Variants in PHF20 observed in about 807,000 individuals in gnomAD.
PHF20 encodes PHD finger protein 20, also known as glioma-expressed antigen 2.
Under a neutral mutation model 113.5 loss-of-function variants are expected in PHF20, and 23 were observed. The observed-to-expected ratio is 0.20, with a 90% CI of 0.15 to 0.29. The LOEUF (loss-of-function observed/expected upper bound fraction) is 0.29. Among genes scored for constraint, PHF20 ranks in the 10% least tolerant of loss-of-function variants. The pLI is 1.00. For synonymous variants in PHF20, 434 were observed against 457.3 expected, an observed-to-expected ratio of 0.95 and a Z score of 0.65; for missense variants, 943 against 1,219.6, an observed-to-expected ratio of 0.77 and a Z score of 3.38.
chr20:35,797,450 G>T (rs1419580237), intron 1 of PHF20, among the ~76,000 whole-genome samples: 2 of 149,232 alleles, frequency 1.3e-5, no homozygotes, highest in Non-Finnish European at 3.0e-5. Flanking sequence ...GGAGGCGGAG[G>T]TTACAGTGAG....
chr20:35,813,187 GTCT>G (rs2042007751), intron 2 of PHF20, among the ~76,000 whole-genome samples: 1 of 151,952 alleles, frequency 6.6e-6, no homozygotes, highest in Non-Finnish European at 1.5e-5. Context: ...AGCCAGGATG[GTCT>G]CGATCTCCTG....
chr20:35,848,717 TG>T (rs2042666367), intron 4 of PHF20, among the ~76,000 whole-genome samples: 1 of 151,518 alleles, frequency 6.6e-6, no homozygotes, highest in African/African-American at 2.4e-5. Flanking sequence ...ATTAGATGAG[TG>T]TGGTGACATG....
intron 2 of PHF20, among the ~76,000 whole-genome samples, chr20:35,836,907 A>T (rs1218395741): frequency 6.6e-6 from 1 of 152,112 alleles, no homozygotes; most frequent in African/African-American, 2.4e-5. Flanking sequence ...GCAGTGGCTC[A>T]CACCTGTAAT....
intron 2 of PHF20, 124 bp downstream of exon 2, chr20:35,801,729 G>C: frequency 3.2e-6 from 2 of 623,536 alleles, no homozygotes; most frequent in Non-Finnish European, 5.8e-6. Flanking sequence ...GAAGATGTGA[G>C]GAAATGTCAG....
chr20:35,918,739 C>T (rs879696643), intron 13 of PHF20, among the ~76,000 whole-genome samples: 16 of 152,274 alleles, frequency 1.1e-4, no homozygotes, highest in African/African-American at 3.8e-4. Context: ...ATCAAATGCT[C>T]TCCCCTGGTC....
Position 35,927,874 on chromosome 20 carries a change from C to T in PHF20, c.2099C>T (p.Pro700Leu), listed in dbSNP as rs996159261. ...EKYTCYVCQD[P>L]PGQRPGFKYW... ...TACACCTGTTATGTTTGCCAAGACCCTCCAGGTAGAGATTTCTGGAGTCAG... is the reference window on the plus strand; with the variant it reads ...TACACCTGTTATGTTTGCCAAGACCTTCCAGGTAGAGATTTCTGGAGTCAG... The change falls in exon 14 of 18, where the codon CCT becomes CTT. Residue 700 changes from proline (P) to leucine (L), a missense_variant. By Grantham distance (98) the Pro-to-Leu change is moderately conservative (BLOSUM62 -3). This residue lies in a region of PHF20 where 349 missense variants were observed against 412.3 expected (regional missense o/e 0.85). Coordinates refer to ENST00000374012, the MANE Select transcript of PHF20 (RefSeq NM_016436.5). The T allele has an allele frequency of 7.5e-6, 12 of 1,609,492 alleles. No homozygotes were observed. Among genetic ancestry groups the T allele is most frequent in the Non-Finnish European group, 9.4e-6 (11 of 1,175,866 alleles).
At chr20:35,788,907 A>G (rs752264825) in intron 1 of PHF20, among the ~76,000 whole-genome samples, 10 of 152,140 alleles carry the variant, frequency 6.6e-5, no homozygotes, top group Admixed American at 1.3e-4. Flanking sequence ...TTTGACCACC[A>G]TGTTAAGGGC....
intron 10 of PHF20, among the ~76,000 whole-genome samples, chr20:35,907,882 A>G (rs2055229036): frequency 6.6e-6 from 1 of 152,204 alleles, no homozygotes; most frequent in Non-Finnish European, 1.5e-5. Flanking sequence ...GCTGTGTCAG[A>G]GGGGTGTTGA....
At chr20:35,772,386 G>T (rs922229783) in intron 1 of PHF20, among the ~76,000 whole-genome samples, 2 of 152,086 alleles carry the variant, frequency 1.3e-5, no homozygotes, top group Non-Finnish European at 2.9e-5. Context: ...GGCGCGGAGC[G>T]GGCCGTGTTG....
At chr20:35,776,375 T>G (rs2041175220) in intron 1 of PHF20, among the ~76,000 whole-genome samples, 1 of 152,196 alleles carries the variant, frequency 6.6e-6, no homozygotes, top group Non-Finnish European at 1.5e-5. Context: ...AGCTTCTGGC[T>G]TTCTCTAAAT....
At chr20:35,823,911 G>C (rs548529410) in intron 2 of PHF20, among the ~76,000 whole-genome samples, 1 of 152,354 alleles carries the variant, frequency 6.6e-6, no homozygotes, top group South Asian at 2.1e-4. Flanking sequence ...AAAATAAAGG[G>C]TTGTTGCTTT....
chr20:35,913,608 T>C (rs988357195), intron 11 of PHF20, among the ~76,000 whole-genome samples: 1 of 152,224 alleles, frequency 6.6e-6, no homozygotes, highest in Non-Finnish European at 1.5e-5. Flanking sequence ...ATGGTACAGA[T>C]GAAGGCATCG....
chr20:35,910,981 G>A (rs745588188), intron 10 of PHF20, among the ~76,000 whole-genome samples: 9 of 152,186 alleles, frequency 5.9e-5, no homozygotes, highest in Non-Finnish European at 1.0e-4. Context: ...CACTTGTTTT[G>A]TCTGGCTCCT....
chr20:35,866,032 A>G (rs2054314346), intron 6 of PHF20, among the ~76,000 whole-genome samples: 1 of 151,706 alleles, frequency 6.6e-6, no homozygotes, highest in African/African-American at 2.4e-5. Context: ...AACATGGTGA[A>G]ACCCCCATCT....
At chr20:35,802,440 G>A (rs567100973) in intron 2 of PHF20, among the ~76,000 whole-genome samples, 23 of 151,634 alleles carry the variant, frequency 1.5e-4, no homozygotes, top group Admixed American at 6.6e-4. Context: ...AGCAGTTCTC[G>A]TGCCTCAGCC....
intron 1 of PHF20, among the ~76,000 whole-genome samples, chr20:35,773,965 A>G (rs981345123): frequency 1.3e-5 from 2 of 151,808 alleles, no homozygotes; most frequent in Non-Finnish European, 1.5e-5. Flanking sequence ...CTTTCTTACT[A>G]TCTTTTATGA....
chr20:35,886,021 G>A (rs574555311), intron 9 of PHF20, among the ~76,000 whole-genome samples: 1 of 150,928 alleles, frequency 6.6e-6, no homozygotes, highest in Admixed American at 6.6e-5. Context: ...TCCTTTCCTT[G>A]TTTGTTTATC....
chr20:35,926,238 T>A (rs1300232646), intron 13 of PHF20, among the ~76,000 whole-genome samples: 2 of 110,076 alleles, frequency 1.8e-5, no homozygotes, highest in African/African-American at 3.5e-5. Flanking sequence ...TCATTTTTTT[T>A]TTTTTTTTTT....
intron 9 of PHF20, chr20:35,878,715 G>T: frequency 1.3e-6 from 1 of 765,724 alleles, no homozygotes; most frequent in Non-Finnish European, 2.4e-6. Flanking sequence ...GAGAATTCTG[G>T]GCAAAACCTA....
Sources: allele counts gnomAD v4.1 joint callset (sites outside exome capture counted in the v4.1 genomes callset), GRCh38; gene constraint gnomAD v4.1.1; regional missense constraint gnomAD v4.1.1; transcripts MANE v1.5; gene names NCBI Gene and HGNC (gene_info 2026-07-23, HGNC 2026-07-21).